The following EEF2 variants were observed in gnomAD, a reference collection of about 807,000 sequenced individuals.
EEF2 encodes eukaryotic translation elongation factor 2, also known as elongation factor 2.
In EEF2, 21 loss-of-function variants were observed where a neutral mutation model predicts 85.3. That is an observed-to-expected ratio of 0.25 (90% CI 0.17 to 0.35). EEF2 has a LOEUF of 0.35. Among genes scored for constraint, EEF2 ranks in the 10% least tolerant of loss-of-function variants. The pLI is 1.00. For missense variants in EEF2, 825 were observed against 1,225.3 expected (o/e 0.67, Z 4.88); for synonymous variants, 723 against 508.8 (o/e 1.42, Z -5.67).
Position 3,979,943 on chromosome 19 carries a change from G to A in EEF2, c.1470C>T (p.His490=), listed in dbSNP as rs201757568. The A allele has an allele frequency of 6.5e-5, 105 of 1,613,926 alleles. No individual in the cohort carries two copies. The Admixed American group carries it at 8.3e-4, about 13-fold the overall frequency. Residue 490 remains histidine (H), a synonymous_variant, in exon 10 of 15, where the codon CAC becomes CAT. Coordinates refer to ENST00000309311, the MANE Select transcript of EEF2 (RefSeq NM_001961.4). ...ACTTCATCACCCGCATGTTGTGCGC[G>A]TGCTCGAAGGTGGTGATGGTGCCCG... is the stretch of plus-strand genomic sequence containing the variant. ...VKTGTITTFE[H]AHNMRVMKFS...
In EEF2 at chr19:3,977,500, C is replaced by T. The variant is rs1320952680; in HGVS notation, c.2178G>A (p.Arg726=). 4 of 1,590,610 alleles carry T rather than the reference C, an allele frequency of 2.5e-6. No homozygotes were observed. Among genetic ancestry groups the T allele is most frequent in the Non-Finnish European group, 3.4e-6 (4 of 1,173,766 alleles). ...TCAGCACACTGGCATAGAGGCAGCG[C>T]CGTGCTGTGGGGATGATCTGGCCCC... ...RGGGQIIPTA[R]RCLYASVLTA... is the part of the protein sequence containing the mutation. Residue 726 remains arginine, a synonymous_variant, in exon 13 of 15, where the codon CGG becomes CGA. Transcript: ENST00000309311. The surrounding 1 kb of genome is among the most constrained non-coding windows in gnomAD (Gnocchi z 5.4).
At position 3,982,157 on chromosome 19, in the gene EEF2, G is replaced by A. The variant is rs2039757604; in HGVS notation, c.791+89C>T. The A allele has an allele frequency of 5.6e-6, 9 of 1,598,066 alleles. 1 individual carries two copies. The highest frequency in any genetic ancestry group is 5.5e-5 in the South Asian group (5 of 90,536). On this transcript the variant is annotated intron_variant, in intron 5 of 14. Transcript: ENST00000309311. ...CTTGGGCAAGACCTGGTGGGCTTGAGCCACGCTGTGAATAGCACACCACGC... is the reference window on the plus strand; with the variant it reads ...CTTGGGCAAGACCTGGTGGGCTTGAACCACGCTGTGAATAGCACACCACGC...
chr19:3,980,682 G>C lies in EEF2; in HGVS notation c.1178C>G (p.Pro393Arg). 6.2e-7 allele frequency: 1 copy of C among 1,613,844 alleles called. No individual in the cohort carries two copies. The highest frequency in any genetic ancestry group is 8.5e-7 in the Non-Finnish European group (1 of 1,179,762). Reference sequence around the variant, plus strand: ...CATTTTGGAAATATACATCATAAGAGGGCCTTTGGGGTCACAGCTTTTAAT... The same window carrying C: ...CATTTTGGAAATATACATCATAAGACGGCCTTTGGGGTCACAGCTTTTAAT... ...MGIKSCDPKG[P>R]LMMYISKMVP... The change falls in exon 9 of 15, where the codon CCT becomes CGT. Residue 393 changes from proline to arginine, a missense_variant. Transcript: ENST00000309311.
intron 4 of EEF2, 168 bp from the exon 5 acceptor site, chr19:3,982,592 C>G: frequency 1.9e-6 from 2 of 1,076,434 alleles, no homozygotes; most frequent in Non-Finnish European, 2.8e-6. Flanking sequence ...AGCCCCTCCA[C>G]CACCCAGGGC....
At chr19:3,976,883 TTCACGAA>T in intron 14 of EEF2, 136 bp from the exon 15 acceptor site, 1 of 1,095,034 alleles carries the variant, frequency 9.1e-7, no homozygotes, top group South Asian at 1.7e-5. Context: ...TGCCCAGCAC[TTCACGAA>T]GGGCCTAGCA....
Position 3,979,314 on chromosome 19 carries a change from T to G in EEF2, c.1713+15A>C. On this transcript the variant is annotated intron_variant, in intron 11 of 14. Transcript: ENST00000309311. ...CGGGGTGGGGCGTGGGGAAGGCTGG[T>G]CACTGGCGCCTCACCTTGATGGGGA... 1 of 1,609,654 alleles carries G rather than the reference T, an allele frequency of 6.2e-7. No homozygotes were observed. Among genetic ancestry groups the G allele is most frequent in the South Asian group, 1.1e-5 (1 of 90,958 alleles).
In EEF2 at chr19:3,976,548, G is replaced by T; in HGVS notation, c.*6C>A. 1 of 1,600,374 alleles carries T rather than the reference G, an allele frequency of 6.2e-7. No homozygotes were observed. ...CCGGGGCGGCAGGCGCTGCAGGAAG[G>T]GCCGCCTACAATTTGTCCAGGAAGT... On this transcript the variant is annotated 3_prime_UTR_variant, in exon 15 of 15. Transcript: ENST00000309311.
At chr19:3,979,504 T>C (rs972252827) in intron 10 of EEF2, 68 bp from the exon 11 acceptor site, 44 of 1,403,372 alleles carry the variant, frequency 3.1e-5, no homozygotes, top group Non-Finnish European at 3.9e-5. Flanking sequence ...GGCTCCCAGC[T>C]TCCCTTTAGC....
chr19:3,982,717 T>C (rs2039769808), intron 4 of EEF2, 90 bp downstream of exon 4: 2 of 1,419,414 alleles, frequency 1.4e-6, no homozygotes, highest in Non-Finnish European at 1.9e-6. Context: ...AAAAACACAC[T>C]TCCAGTCCCC....
chr19:3,982,732 G>A (rs1041019826), intron 4 of EEF2, 75 bp downstream of exon 4: 1 of 1,491,264 alleles, frequency 6.7e-7, no homozygotes, highest in Non-Finnish European at 9.1e-7. Context: ...GTCCCCCTCA[G>A]CTCAACTCCA....
In EEF2 at chr19:3,976,514, TGC is replaced by T; in HGVS notation, c.*38_*39del. ...TTCGAGGACGTGGTGCTGTGGGTGC[TGC>T]GAGTCCCCGGGGCGGCAGGCGCTGC... On this transcript the variant is annotated 3_prime_UTR_variant, in exon 15 of 15. Transcript: ENST00000309311. The T allele has an allele frequency of 1.3e-6, 2 of 1,564,708 alleles. No homozygotes were observed. The highest frequency in any genetic ancestry group is 8.7e-7 in the Non-Finnish European group (1 of 1,154,794).
At chr19:3,985,174 G>A (rs1337489349) in intron 1 of EEF2, 1 of 499,604 alleles carries the variant, frequency 2.0e-6, no homozygotes, top group Non-Finnish European at 3.3e-6. Context: ...AGGTTATGGC[G>A]CCCTCGGAAA....
chr19:3,984,239 G>C lies in EEF2; in HGVS notation c.115C>G (p.Leu39Val). 1 of 1,614,176 alleles carries C rather than the reference G, an allele frequency of 6.2e-7. No homozygotes were observed. Residue 39 changes from leucine (L) to valine (V), a missense_variant, in exon 2 of 15, where the codon CTG becomes GTG. By Grantham distance (32) the Leu-to-Val change is conservative. Coordinates refer to ENST00000309311, the MANE Select transcript of EEF2 (RefSeq NM_001961.4). The stretch of plus-strand genomic sequence containing the variant: ...GCGATGATGCCCGCCTTGCACACCA[G>C]GGAGTCTGTCAGCGTGGACTTGCCA... ...DHGKSTLTDS[L>V]VCKAGIIASA...
At chr19:3,981,896 C>G in intron 6 of EEF2, 51 bp downstream of exon 6, 1 of 1,568,472 alleles carries the variant, frequency 6.4e-7, no homozygotes, top group Non-Finnish European at 8.8e-7. Flanking sequence ...GCCCACAGGG[C>G]CGAGGGCCAA....
At position 3,979,916 on chromosome 19, in the gene EEF2, G is replaced by A. The variant is rs1199170494; in HGVS notation, c.1497C>T (p.Phe499=). ...EHAHNMRVMK[F]SVSPVVRVAV... is the part of the protein sequence containing the mutation. ...CCACTCTGACAACAGGGCTGACGCT[G>A]AACTTCATCACCCGCATGTTGTGCG... The change falls in exon 10 of 15, where the codon TTC becomes TTT. Residue 499 remains phenylalanine (F), a synonymous_variant. Transcript: ENST00000309311. 1.2e-6 allele frequency: 2 copies of A among 1,613,924 alleles called. No individual in the cohort carries two copies. The highest frequency in any genetic ancestry group is 1.7e-5 in the Admixed American group (1 of 60,028).
chr19:3,981,571 C>G lies in EEF2; in HGVS notation c.898-119G>C, dbSNP rs1448966947. ...GGGGGACGCAGCACGGGAGCAGGAG[C>G]AGGCCTGGCCTGCCTACCACGGGCC... On this transcript the variant is annotated intron_variant, in intron 6 of 14. Coordinates refer to ENST00000309311, the MANE Select transcript of EEF2 (RefSeq NM_001961.4). 4.2e-6 allele frequency: 4 copies of G among 944,822 alleles called. No homozygotes were observed. The Admixed American group carries it at 8.5e-5, about 20-fold the overall frequency. 58.5% of individuals were successfully genotyped at this position (944,822 alleles called of 1,614,324 possible). A position where few individuals can be genotyped will look rare whatever the true frequency, so the allele number is the denominator to read the frequency against.
At chr19:3,980,266 G>A (rs747773155) in intron 9 of EEF2, among the ~76,000 whole-genome samples, 200 bp from the exon 10 acceptor site, 67 of 152,242 alleles carry the variant, frequency 4.4e-4, no homozygotes, top group Non-Finnish European at 6.6e-4. Context: ...CCCTGGGTAT[G>A]GGTCGACGGC....
rs79022612 is a variant in EEF2 at position 3,981,323 on chromosome 19, T to C, written c.1011+16A>G. On this transcript the variant is annotated intron_variant, in intron 7 of 14. Coordinates refer to ENST00000309311, the MANE Select transcript of EEF2 (RefSeq NM_001961.4). ...CCTGTGTTCCCTCCACCCCGAGGGC[T>C]GGGCCCAGGCCGCACCTTCAGCAGG... The C allele has an allele frequency of 6.2e-7, 1 of 1,611,854 alleles. No individual in the cohort carries two copies. Among genetic ancestry groups the C allele is most frequent in the African/African-American group, 1.3e-5 (1 of 75,022 alleles).
chr19:3,981,300 T>A (rs1214261558), intron 7 of EEF2, 39 bp downstream of exon 7: 13 of 1,586,464 alleles, frequency 8.2e-6, no homozygotes, highest in Non-Finnish European at 1.1e-5. Flanking sequence ...AACAGCAGCC[T>A]GTGTTCCCTC....
Sources: gnomAD v4.1 joint callset for allele counts (sites outside exome capture counted in the v4.1 genomes callset) on GRCh38, gnomAD v4.1.1 for gene constraint, Gnocchi (gnomAD v3.1) non-coding constraint, MANE v1.5 for transcripts, NCBI Gene and HGNC (gene_info 2026-07-23, HGNC 2026-07-21) for gene names.